Variants in DYM observed in about 807,000 individuals in gnomAD.
DYM encodes the protein dymeclin.
In DYM, 78 loss-of-function variants were observed where a neutral mutation model predicts 93.1. That is an observed-to-expected ratio of 0.84 (90% CI 0.70 to 1.01). The LOEUF (loss-of-function observed/expected upper bound fraction) is 1.01, where lower values mean the gene tolerates loss of function less well. Among genes scored for constraint, DYM ranks in the 50% least tolerant of loss-of-function variants. The pLI is 0.00. For synonymous variants in DYM, 321 were observed against 319.7 expected (o/e 1.00, Z -0.04); for missense variants, 789 against 845.0 (o/e 0.93, Z 0.82).
chr18:49,143,227 C>G (rs947472996), intron 15 of DYM, among the ~76,000 whole-genome samples: 1 of 152,200 alleles, frequency 6.6e-6, no homozygotes, highest in African/African-American at 2.4e-5. Context: ...CTAACCAACA[C>G]AGCATAGCTA....
intron 13 of DYM, 68 bp downstream of exon 13, chr18:49,256,942 C>T (rs1203947460): frequency 1.2e-5 from 16 of 1,319,344 alleles, no homozygotes; most frequent in Non-Finnish European, 1.6e-5. Context: ...AAAAAGGAAC[C>T]ACCATAGTAT....
chr18:49,210,509 G>C (rs1300200216), intron 13 of DYM, among the ~76,000 whole-genome samples: 9 of 152,152 alleles, frequency 5.9e-5, no homozygotes, highest in African/African-American at 9.7e-5. Context: ...AAAAACTATG[G>C]AGACAGCAAA....
chr18:49,057,357 T>G (rs1165524944), intron 17 of DYM, among the ~76,000 whole-genome samples: 1 of 152,178 alleles, frequency 6.6e-6, no homozygotes, highest in Non-Finnish European at 1.5e-5. Flanking sequence ...TGAGCCCAGG[T>G]CTCTCGTGGA....
intron 14 of DYM, chr18:49,206,011 G>GTTTTTTTTTTGTTTTTTTT (rs61590334): frequency 7.4e-6 from 1 of 135,040 alleles, no homozygotes; most frequent in Non-Finnish European, 1.5e-5. Context: ...TTGTTTTTTT[G>GTTTTTTTTTTGTTTTTTTT]TTTTTTGCGG....
rs562661500 is a variant in DYM, at chr18:49,308,895, C to T, written c.764-22279G>A. ...AAGTGTTATCTGGAATGGCAAAATA[C>T]TGAAAACCACCAAAATGACCAACCA... On this transcript the variant is annotated intron_variant, in intron 8 of 17. Transcript: ENST00000675505. Among the ~76,000 whole-genome samples the T allele has an allele frequency of 3.9e-5, 6 of 152,194 alleles. No homozygotes were observed. In the South Asian group the frequency reaches 1.2e-3, roughly 32 times the overall value.
chr18:49,398,507 G>A (rs2070394858), intron 2 of DYM, among the ~76,000 whole-genome samples: 1 of 152,170 alleles, frequency 6.6e-6, no homozygotes, highest in Admixed American at 6.5e-5. Context: ...TTAGGGCTGT[G>A]GGAGGCCACC....
chr18:49,326,401 T>C (rs936027539), intron 8 of DYM, among the ~76,000 whole-genome samples: 6 of 151,840 alleles, frequency 4.0e-5, no homozygotes, highest in Non-Finnish European at 7.4e-5. Flanking sequence ...ACAAGATAAA[T>C]ATATTAATAT....
At chr18:49,342,608 G>C (rs189914812) in intron 6 of DYM, among the ~76,000 whole-genome samples, 1 of 152,158 alleles carries the variant, frequency 6.6e-6, no homozygotes, top group South Asian at 2.1e-4. Flanking sequence ...GATTAGGAGG[G>C]GAGGTGAGGA....
intron 17 of DYM, among the ~76,000 whole-genome samples, chr18:49,096,928 C>T (rs2079597434): frequency 6.6e-6 from 1 of 152,194 alleles, no homozygotes; most frequent in Non-Finnish European, 1.5e-5. Flanking sequence ...CTTAACCTCA[C>T]TGTACATCAG....
intron 2 of DYM, among the ~76,000 whole-genome samples, chr18:49,406,456 G>A (rs565397360): frequency 3.3e-5 from 5 of 152,096 alleles, no homozygotes; most frequent in Admixed American, 2.0e-4. Context: ...AGCTACTCAG[G>A]AGGTTGAGGC....
At chr18:49,184,744 A>G (rs1365232694) in intron 14 of DYM, among the ~76,000 whole-genome samples, 1 of 152,136 alleles carries the variant, frequency 6.6e-6, no homozygotes, top group African/African-American at 2.4e-5. Flanking sequence ...ACAGTGCACA[A>G]TTAAAAACTT....
rs538698839 is a variant in DYM at position 49,255,063 on chromosome 18, CA to C, written c.1460+1946del. On this transcript the variant is annotated intron_variant, in intron 13 of 17. Coordinates refer to ENST00000675505, the MANE Select transcript of DYM (RefSeq NM_001353214.3). ...TCTAATAGAATGTATTAAGACCAGA[CA>C]TAAATTAAATAGTGAGTCAATGCAA... Among the ~76,000 whole-genome samples the C allele has an allele frequency of 5.9e-3, 904 of 152,218 alleles. 6 individuals carry two copies. The highest frequency in any genetic ancestry group is 0.014 in the Middle Eastern group (4 of 294).
intron 8 of DYM, among the ~76,000 whole-genome samples, chr18:49,315,006 G>A (rs2061834881): frequency 6.6e-6 from 1 of 152,150 alleles, no homozygotes; most frequent in African/African-American, 2.4e-5. Flanking sequence ...CTTGAGCTCA[G>A]GAGTTCGAGA....
At chr18:49,458,901 G>C (rs2083237445) in intron 1 of DYM, among the ~76,000 whole-genome samples, 1 of 152,198 alleles carries the variant, frequency 6.6e-6, no homozygotes. Context: ...AATATTTACA[G>C]ATGAAATTGA....
intron 17 of DYM, among the ~76,000 whole-genome samples, chr18:49,057,109 C>G (rs75072936): frequency 0.018 from 2,803 of 152,326 alleles, 29 homozygotes; most frequent in South Asian, 0.067. Context: ...CTTGATCTGG[C>G]CTTGGGCAGG....
At chr18:49,283,425 C>CTT (rs556102198) in intron 9 of DYM, among the ~76,000 whole-genome samples, 1 of 144,754 alleles carries the variant, frequency 6.9e-6, no homozygotes. Context: ...TGTTAAGAAA[C>CTT]TTTTTTTTTT....
intron 16 of DYM, among the ~76,000 whole-genome samples, chr18:49,111,193 T>TC (rs200213978): frequency 4.0e-5 from 6 of 150,014 alleles, no homozygotes; most frequent in East Asian, 1.9e-4. Flanking sequence ...ATATTCTTCT[T>TC]TTTTTTTTTT....
At chr18:49,142,320 G>C (rs1318605043) in intron 15 of DYM, among the ~76,000 whole-genome samples, 1 of 152,114 alleles carries the variant, frequency 6.6e-6, no homozygotes, top group African/African-American at 2.4e-5. Flanking sequence ...AACTCAAAAG[G>C]ATTAAGTAAC....
chr18:49,153,556 A>G (rs770786655), intron 15 of DYM, among the ~76,000 whole-genome samples: 18 of 152,244 alleles, frequency 1.2e-4, no homozygotes, highest in Non-Finnish European at 2.4e-4. Flanking sequence ...CTGAGAGGGC[A>G]GAGGACACAA....
Sources: gnomAD v4.1 joint callset for allele counts (sites outside exome capture counted in the v4.1 genomes callset) on GRCh38, gnomAD v4.1.1 for gene constraint, MANE v1.5 for transcripts, NCBI Gene and HGNC (gene_info 2026-07-23, HGNC 2026-07-21) for gene names.